Variants in PATJ observed in about 807,000 individuals in gnomAD.
The protein encoded by PATJ is PATJ crumbs cell polarity complex component.
A neutral mutation model predicts 224.9 loss-of-function variants in PATJ; 190 were observed. The ratio of observed to expected loss-of-function variants is 0.84; its 90% confidence interval spans 0.75 to 0.95. PATJ has a LOEUF of 0.95. Among genes scored for constraint, PATJ ranks in the 40% least tolerant of loss-of-function variants. PATJ has a pLI of 0.00. For missense variants in PATJ, 2,121 were observed against 2,270.3 expected, an observed-to-expected ratio of 0.93 and a Z score of 1.34; for synonymous variants, 769 against 820.3, an observed-to-expected ratio of 0.94 and a Z score of 1.07.
At position 61,755,892 on chromosome 1, in the gene PATJ, C is replaced by T. The variant is rs530662047; in HGVS notation, c.-35-6966C>T. Among the ~76,000 whole-genome samples, 3 of 152,220 alleles carry T rather than the reference C, an allele frequency of 2.0e-5. No individual in the cohort carries two copies. In the East Asian group the frequency reaches 5.8e-4, roughly 29 times the overall value. ...TCTCGGCTCACCGCAATCTCTGCCT[C>T]CTGGGTTCAAGCGATTCTCCTGCCT... On this transcript the variant is annotated intron_variant, in intron 1 of 43. Transcript: ENST00000642238.
intron 14 of PATJ, among the ~76,000 whole-genome samples, chr1:61,819,382 T>G (rs1656794256): frequency 6.6e-6 from 1 of 152,194 alleles, no homozygotes; most frequent in Non-Finnish European, 1.5e-5. Flanking sequence ...GTTGTTTATT[T>G]ATGTATTTGC....
At chr1:62,117,358 G>T in intron 37 of PATJ, 140 bp downstream of exon 37, 1 of 1,428,972 alleles carries the variant, frequency 7.0e-7, no homozygotes. Context: ...ACTTTCATGT[G>T]TTTGAAATAA....
intron 29 of PATJ, among the ~76,000 whole-genome samples, chr1:62,022,925 G>T (rs1647172682): frequency 6.6e-6 from 1 of 152,158 alleles, no homozygotes; most frequent in Non-Finnish European, 1.5e-5. Context: ...GATATTGCTT[G>T]AATTAATGTG....
intron 1 of PATJ, among the ~76,000 whole-genome samples, chr1:61,754,682 A>C (rs571161895): frequency 6.6e-6 from 1 of 152,040 alleles, no homozygotes; most frequent in Non-Finnish European, 1.5e-5. Context: ...GTAAAGCTTT[A>C]ATCTTCTTCC....
chr1:61,949,716 G>C (rs977671476), intron 27 of PATJ, among the ~76,000 whole-genome samples: 1 of 151,718 alleles, frequency 6.6e-6, no homozygotes, highest in Admixed American at 6.6e-5. Context: ...AGACCAGCCC[G>C]CTCAACATGG....
chr1:61,836,237 A>T (rs1267329861), intron 17 of PATJ, among the ~76,000 whole-genome samples: 1 of 152,068 alleles, frequency 6.6e-6, no homozygotes, highest in Non-Finnish European at 1.5e-5. Context: ...TGTAACTTCT[A>T]TTGTTTCTTG....
At chr1:61,969,452 T>G (rs1256337027) in intron 27 of PATJ, among the ~76,000 whole-genome samples, 1 of 152,168 alleles carries the variant, frequency 6.6e-6, no homozygotes, top group Non-Finnish European at 1.5e-5. Context: ...ATTGTGATTT[T>G]GATTTGCATT....
At chr1:61,828,529 A>C (rs1019427434) in intron 16 of PATJ, among the ~76,000 whole-genome samples, 3 of 151,818 alleles carry the variant, frequency 2.0e-5, no homozygotes, top group African/African-American at 4.8e-5. Context: ...AGCTGGGACC[A>C]CAGGCACATG....
chr1:62,153,165 TTGG>T (rs1668801737), intron 42 of PATJ, among the ~76,000 whole-genome samples, 190 bp from the exon 43 acceptor site: 1 of 152,164 alleles, frequency 6.6e-6, no homozygotes, highest in African/African-American at 2.4e-5. Context: ...ATCAAGAATA[TTGG>T]TGATTAATTA....
intron 33 of PATJ, among the ~76,000 whole-genome samples, chr1:62,085,844 G>T (rs1482976896): frequency 1.3e-5 from 2 of 149,670 alleles, no homozygotes; most frequent in Admixed American, 6.6e-5. Flanking sequence ...AAAAAAAAAG[G>T]TATGCATGAA....
At chr1:62,034,780 T>C (rs2148494957) in intron 29 of PATJ, among the ~76,000 whole-genome samples, 1 of 152,256 alleles carries the variant, frequency 6.6e-6, no homozygotes, top group East Asian at 1.9e-4. Flanking sequence ...AAAAATTTAA[T>C]ATGGACTTTA....
intron 4 of PATJ, among the ~76,000 whole-genome samples, chr1:61,768,721 G>A (rs1165143204): frequency 1.3e-5 from 2 of 151,246 alleles, no homozygotes; most frequent in South Asian, 2.1e-4. Context: ...GCAACATGGC[G>A]AAACCCCGTC....
rs1356937495 is a variant in PATJ at position 62,106,158 on chromosome 1, G to GTGTGTA, written c.4378-2278_4378-2277insGTGTAT. ...TACATGTGTATATGTGTGTGTGTGT[G>GTGTGTA]TATATATATATATATATATATATAT... is the stretch of plus-strand genomic sequence containing the variant. On this transcript the variant is annotated intron_variant, in intron 33 of 43. Coordinates refer to ENST00000642238, the MANE Select transcript of PATJ (RefSeq NM_001350145.3). Among the ~76,000 whole-genome samples the GTGTGTA allele has an allele frequency of 5.0e-4, 24 of 48,062 alleles. 1 individual carries two copies. The highest frequency in any genetic ancestry group is 6.1e-4 in the Non-Finnish European group (14 of 22,820). The allele number at this position is 48,062 out of a possible 152,430, so 31.5% of individuals were successfully genotyped here. A position where few individuals can be genotyped will look rare whatever the true frequency, so the allele number is the denominator to read the frequency against.
chr1:62,040,389 C>G (rs2148524520), intron 30 of PATJ, among the ~76,000 whole-genome samples: 1 of 152,148 alleles, frequency 6.6e-6, no homozygotes, highest in Middle Eastern at 3.4e-3. Context: ...GGATTACAGG[C>G]ATGACCCTAT....
intron 27 of PATJ, among the ~76,000 whole-genome samples, chr1:61,989,457 AC>A (rs2149540068): frequency 6.6e-6 from 1 of 152,280 alleles, no homozygotes; most frequent in Non-Finnish European, 1.5e-5. Context: ...TGCTCCCATA[AC>A]CCAGTGTTAT....
In PATJ at chr1:61,861,284, C is replaced by CT; in HGVS notation, c.2323-244dup. On this transcript the variant is annotated intron_variant, in intron 18 of 43. Transcript: ENST00000642238. ...TGAAACCAGGATATTTTCTTTCTTT[C>CT]TTTTTTTTTTTTTTTTTTTTTTTAC... Among the ~76,000 whole-genome samples, 469 of 48,838 alleles carry CT rather than the reference C, an allele frequency of 9.6e-3. 12 individuals are homozygous for CT. The highest frequency in any genetic ancestry group is 0.024 in the African/African-American group (387 of 16,266). The allele number at this position is 48,838 out of a possible 152,430, so 32.0% of individuals were successfully genotyped here.
chr1:61,902,103 C>G (rs1671249268), intron 24 of PATJ, among the ~76,000 whole-genome samples: 1 of 151,898 alleles, frequency 6.6e-6, no homozygotes, highest in Non-Finnish European at 1.5e-5. Context: ...TGCCTGTATT[C>G]CTAGCTACTC....
At chr1:62,142,941 G>C (rs2774932) in intron 41 of PATJ, among the ~76,000 whole-genome samples, 112,459 of 152,034 alleles carry the variant, frequency 0.74, 41,962 homozygotes, top group African/African-American at 0.82. Flanking sequence ...AGGGGAGTGC[G>C]GATACCCGTT....
chr1:61,776,742 T>TTGAGATGG (rs1216965728), intron 7 of PATJ, among the ~76,000 whole-genome samples: 1 of 151,564 alleles, frequency 6.6e-6, no homozygotes, highest in East Asian at 1.9e-4. Flanking sequence ...TTTTTTTTTT[T>TTGAGATGG]TGAGATGGAG....
Sources: allele counts gnomAD v4.1 joint callset (sites outside exome capture counted in the v4.1 genomes callset), GRCh38; gene constraint gnomAD v4.1.1; transcripts MANE v1.5; gene names NCBI Gene and HGNC (gene_info 2026-07-23, HGNC 2026-07-21).